TASL: variants seen among roughly 807,000 people sequenced by gnomAD.
The protein encoded by TASL is TLR adapter interacting with SLC15A4 on the lysosome.
TASL carries 6 observed loss-of-function variants against 12.9 expected under a neutral mutation model. That is an observed-to-expected ratio of 0.46 (90% CI 0.25 to 0.92). TASL has a LOEUF of 0.92. TASL is among the 40% of genes least tolerant of loss of function. The pLI is 0.17. For missense variants in TASL, 165 were observed against 212.8 expected, an observed-to-expected ratio of 0.78 and a Z score of 1.40; for synonymous variants, 85 against 79.3, an observed-to-expected ratio of 1.07 and a Z score of -0.38.
intron 2 of TASL, among the ~76,000 whole-genome samples, chrX:30,571,345 G>A (rs893002581): frequency 1.9e-5 from 2 of 104,559 alleles, no homozygotes; most frequent in Non-Finnish European, 3.9e-5. Context: ...TTGGCCAGGC[G>A]TGGTGGCTCA....
At chrX:30,564,381 C>T (rs1930468132) in intron 2 of TASL, among the ~76,000 whole-genome samples, 1 of 109,326 alleles carries the variant, frequency 9.1e-6, no homozygotes, top group African/African-American at 3.3e-5. Context: ...AGAATATTTC[C>T]CAGAATGGAA....
chrX:30,571,270 G>GAAAGAAAGAAAGAAAGAAAGAAAGAAAA (rs1930604970), intron 2 of TASL, among the ~76,000 whole-genome samples: 1 of 48,502 alleles, frequency 2.1e-5, no homozygotes, highest in African/African-American at 6.4e-5. Flanking sequence ...AAGAAAGAAA[G>GAAAGAAAGAAAGAAAGAAAGAAAGAAAA]AAAGAAAGAA....
At chrX:30,577,294 C>G (rs1930721823) in intron 1 of TASL, among the ~76,000 whole-genome samples, 1 of 112,231 alleles carries the variant, frequency 8.9e-6, no homozygotes, top group Non-Finnish European at 1.9e-5. Context: ...GAAGCTAAAC[C>G]AGTGTGGCAA....
intron 2 of TASL, among the ~76,000 whole-genome samples, chrX:30,562,382 CAGA>C (rs1214177741): frequency 1.8e-5 from 2 of 111,657 alleles, no homozygotes; most frequent in Non-Finnish European, 3.8e-5. Context: ...GGTGCAGGAG[CAGA>C]AGGAGAGACA....
chrX:30,563,186 G>A (rs1444768700), intron 2 of TASL, among the ~76,000 whole-genome samples: 1 of 110,992 alleles, frequency 9.0e-6, no homozygotes, highest in Admixed American at 9.6e-5. Context: ...TCCTGTTCTC[G>A]TGATAGAGAG....
chrX:30,560,093 G>T lies in TASL; in HGVS notation c.263C>A (p.Pro88His). ...SQRVTVLQTN[P>H]NPVFESPNLA... Reference sequence around the variant, plus strand: ...GTTTGGGCTTTCAAACACAGGATTGGGGTTTGTCTGCAGCACTGTGACTCT... The same window carrying T: ...GTTTGGGCTTTCAAACACAGGATTGTGGTTTGTCTGCAGCACTGTGACTCT... The change falls in exon 3 of 3, where the codon CCC becomes CAC. Residue 88 changes from proline (P) to histidine (H), a missense_variant. By Grantham distance (77) the Pro-to-His change is moderately conservative. Transcript: ENST00000378962. 6 of 1,211,049 alleles carry T rather than the reference G, an allele frequency of 5.0e-6. No individual in the cohort carries two copies. The highest frequency in any genetic ancestry group is 6.7e-6 in the Non-Finnish European group (6 of 895,126).
chrX:30,563,750 C>T (rs1930460744), intron 2 of TASL, among the ~76,000 whole-genome samples: 1 of 111,577 alleles, frequency 9.0e-6, no homozygotes, highest in East Asian at 2.8e-4. Context: ...TTGCTGAGAT[C>T]CATGACCTCT....
chrX:30,571,445 C>T (rs1930622811), intron 2 of TASL, among the ~76,000 whole-genome samples: 1 of 109,309 alleles, frequency 9.1e-6, no homozygotes, highest in African/African-American at 3.3e-5. Context: ...ATGACAAAAC[C>T]CCATCTTTAC....
chrX:30,565,883 G>C (rs1422738842), intron 2 of TASL, among the ~76,000 whole-genome samples: 1 of 109,850 alleles, frequency 9.1e-6, no homozygotes, highest in Non-Finnish European at 1.9e-5. Context: ...TGATTCTTGT[G>C]CCTCAGCCTC....
chrX:30,564,333 C>T (rs900580228), intron 2 of TASL, among the ~76,000 whole-genome samples: 1 of 110,786 alleles, frequency 9.0e-6, no homozygotes, highest in African/African-American at 3.3e-5. Context: ...GAAAGAGAGA[C>T]CAGAGAAAAC....
intron 2 of TASL, among the ~76,000 whole-genome samples, chrX:30,564,191 C>T (rs184755417): frequency 1.8e-5 from 2 of 111,400 alleles, no homozygotes; most frequent in Admixed American, 9.6e-5. Context: ...TAATTTTAAA[C>T]CTCAATGGAA....
At chrX:30,576,020 AATTGTTAATC>A (rs1930699026) in intron 2 of TASL, among the ~76,000 whole-genome samples, 1 of 111,983 alleles carries the variant, frequency 8.9e-6, no homozygotes, top group Admixed American at 9.5e-5. Context: ...TTGGTGTTAT[AATTGTTAATC>A]ATTGTTAATC....
At chrX:30,568,990 A>G (rs1470602948) in intron 2 of TASL, among the ~76,000 whole-genome samples, 1 of 109,400 alleles carries the variant, frequency 9.1e-6, no homozygotes, top group East Asian at 2.8e-4. Flanking sequence ...AAAAAAAGGA[A>G]AAAAGATTTC....
chrX:30,565,556 C>T (rs967070189), intron 2 of TASL, among the ~76,000 whole-genome samples: 1 of 111,356 alleles, frequency 9.0e-6, no homozygotes, highest in African/African-American at 3.3e-5. Context: ...TGATCTATAT[C>T]TGTGTTGTCT....
rs761774603 is a variant in TASL, at chrX:30,571,270, G to GAAAGAA, written c.-2+5476_-2+5481dup. On this transcript the variant is annotated intron_variant, in intron 2 of 2. Transcript: ENST00000378962. ...AGAGAAAGAAAGAGAAAGAAAGAAA[G>GAAAGAA]AAAGAAAGAAAGAAAGAAAGAAAGA... is the stretch of plus-strand genomic sequence containing the variant. 1.2e-4 allele frequency among the ~76,000 whole-genome samples: 6 copies of GAAAGAA among 48,529 alleles called. 1 individual carries two copies. The highest frequency in any genetic ancestry group is 3.8e-4 in the African/African-American group (6 of 15,610). 42.1% of individuals were successfully genotyped at this position (48,529 alleles called of 115,157 possible). A position where few individuals can be genotyped will look rare whatever the true frequency, so the allele number is the denominator to read the frequency against.
At position 30,562,971 on chromosome X, in the gene TASL, T is replaced by C. The variant is rs146096196; in HGVS notation, c.-1-2615A>G. Among the ~76,000 whole-genome samples the C allele has an allele frequency of 8.4e-3, 839 of 100,370 alleles. 10 individuals carry two copies. Among genetic ancestry groups the C allele is most frequent in the African/African-American group, 0.029 (796 of 27,032 alleles). 87.2% of individuals were successfully genotyped at this position (100,370 alleles called of 115,157 possible). ...AAAAAACAACAGGAGAAGAGACCAGTACAACAACATTTTAGAAGCTGAGAA... is the reference window on the plus strand; with the variant it reads ...AAAAAACAACAGGAGAAGAGACCAGCACAACAACATTTTAGAAGCTGAGAA... On this transcript the variant is annotated intron_variant, in intron 2 of 2. Transcript: ENST00000378962.
At chrX:30,570,415 T>G (rs1930576255) in intron 2 of TASL, among the ~76,000 whole-genome samples, 1 of 111,567 alleles carries the variant, frequency 9.0e-6, no homozygotes, top group South Asian at 3.7e-4. Flanking sequence ...TTCTAAGTGC[T>G]TTTTATGTAC....
intron 2 of TASL, among the ~76,000 whole-genome samples, chrX:30,568,641 A>T (rs1460349043): frequency 9.1e-6 from 1 of 110,329 alleles, no homozygotes; most frequent in Non-Finnish European, 1.9e-5. Flanking sequence ...GTCTCCCACT[A>T]TTTATCTTAT....
chrX:30,571,242 A>AG (rs1930591842), intron 2 of TASL, among the ~76,000 whole-genome samples: 1 of 78,737 alleles, frequency 1.3e-5, no homozygotes. Context: ...GAAGGAAGGA[A>AG]AAAGAGAAAG....
Sources: allele counts gnomAD v4.1 joint callset (sites outside exome capture counted in the v4.1 genomes callset), GRCh38; gene constraint gnomAD v4.1.1; transcripts MANE v1.5; gene names NCBI Gene and HGNC (gene_info 2026-07-23, HGNC 2026-07-21).